AMPH: variants seen among roughly 807,000 people sequenced by gnomAD.
AMPH encodes amphiphysin.
A neutral mutation model predicts 99.1 loss-of-function variants in AMPH; 49 were observed. The ratio of observed to expected loss-of-function variants is 0.49; its 90% CI spans 0.39 to 0.63. The LOEUF (loss-of-function observed/expected upper bound fraction) is 0.63, where lower values mean the gene tolerates loss of function less well. Ranked by LOEUF, AMPH falls within the 20% of genes least tolerant of loss-of-function variation. The probability of loss-of-function intolerance (pLI) is 0.00; values close to 1 mark genes in which losing one functional copy is unlikely to be tolerated. For synonymous variants in AMPH, 314 were observed against 317.3 expected (o/e 0.99, Z 0.11); for missense variants, 759 against 863.4 (o/e 0.88, Z 1.52).
intron 18 of AMPH, among the ~76,000 whole-genome samples, chr7:38,393,216 G>A (rs1032859065): frequency 6.6e-6 from 1 of 152,116 alleles, no homozygotes; most frequent in African/African-American, 2.4e-5. Context: ...TCAGCCCCCA[G>A]CCCAAAAAGG....
At chr7:38,562,047 CCAAGTAGAAAA>C (rs1791572519) in intron 1 of AMPH, among the ~76,000 whole-genome samples, 1 of 148,728 alleles carries the variant, frequency 6.7e-6, no homozygotes, top group African/African-American at 2.5e-5. Context: ...CAGATGAGGG[CCAAGTAGAAAA>C]CAAGGTGGGG....
At chr7:38,437,959 T>C (rs1423762438) in intron 11 of AMPH, among the ~76,000 whole-genome samples, 1 of 152,216 alleles carries the variant, frequency 6.6e-6, no homozygotes, top group Non-Finnish European at 1.5e-5. Flanking sequence ...ACTCCCCATA[T>C]ATACTTTTTA....
intron 9 of AMPH, among the ~76,000 whole-genome samples, chr7:38,464,933 T>C (rs897028923): frequency 6.6e-6 from 1 of 152,176 alleles, no homozygotes; most frequent in African/African-American, 2.4e-5. Flanking sequence ...GGTATTTGAC[T>C]GGCATACTCA....
At chr7:38,580,031 C>T (rs548558928) in intron 1 of AMPH, among the ~76,000 whole-genome samples, 9 of 152,258 alleles carry the variant, frequency 5.9e-5, no homozygotes, top group African/African-American at 1.4e-4. Context: ...AATGTCCAGT[C>T]GACTTCTGAT....
At chr7:38,447,132 GC>G (rs1407091339) in intron 11 of AMPH, among the ~76,000 whole-genome samples, 3 of 152,028 alleles carry the variant, frequency 2.0e-5, no homozygotes, top group African/African-American at 7.2e-5. Flanking sequence ...CGATTCTCCT[GC>G]CTCCGCCTCT....
At chr7:38,426,467 G>T (rs1785785704) in intron 15 of AMPH, among the ~76,000 whole-genome samples, 1 of 152,230 alleles carries the variant, frequency 6.6e-6, no homozygotes, top group African/African-American at 2.4e-5. Flanking sequence ...TGCTGAAGAG[G>T]TAAGGCTCTG....
intron 1 of AMPH, among the ~76,000 whole-genome samples, chr7:38,574,794 A>T (rs139255398): frequency 0.01 from 1,552 of 152,120 alleles, 15 homozygotes; most frequent in Non-Finnish European, 0.016. Context: ...CGTGGCTCAC[A>T]CCTGTAATCC....
At chr7:38,542,979 A>G (rs1255480977) in intron 1 of AMPH, among the ~76,000 whole-genome samples, 4 of 152,076 alleles carry the variant, frequency 2.6e-5, no homozygotes, top group Non-Finnish European at 4.4e-5. Flanking sequence ...CTATAGTCCC[A>G]GCTACTTGGG....
At chr7:38,463,214 C>T in intron 9 of AMPH, 101 bp from the exon 10 acceptor site, 2 of 1,507,740 alleles carry the variant, frequency 1.3e-6, no homozygotes, top group Non-Finnish European at 1.8e-6. Context: ...CTAACAGGTA[C>T]TGTCTGTTGT....
intron 17 of AMPH, among the ~76,000 whole-genome samples, chr7:38,396,497 C>T (rs192858545): frequency 1.8e-4 from 27 of 152,266 alleles, no homozygotes; most frequent in Non-Finnish European, 3.5e-4. Flanking sequence ...ATGTCTTTAT[C>T]AGCAGCATGA....
chr7:38,419,378 G>A (rs564793910), intron 16 of AMPH, among the ~76,000 whole-genome samples: 6 of 87,944 alleles, frequency 6.8e-5, no homozygotes, highest in Non-Finnish European at 9.5e-5. Context: ...AGGATCACAC[G>A]ACTATTCTTT....
intron 1 of AMPH, among the ~76,000 whole-genome samples, chr7:38,543,809 C>G (rs1790897903): frequency 2.0e-5 from 3 of 152,078 alleles, no homozygotes; most frequent in Admixed American, 2.0e-4. Context: ...TCAGGAATCT[C>G]TATTCAAAAA....
intron 11 of AMPH, among the ~76,000 whole-genome samples, chr7:38,458,757 G>C (rs2129006911): frequency 1.3e-5 from 2 of 152,252 alleles, no homozygotes; most frequent in South Asian, 2.1e-4. Context: ...TAGCATCATA[G>C]TGAATGGGAG....
At chr7:38,511,677 G>A (rs1040200804) in intron 2 of AMPH, among the ~76,000 whole-genome samples, 1 of 152,202 alleles carries the variant, frequency 6.6e-6, no homozygotes, top group Admixed American at 6.5e-5. Context: ...GGATTGCCAT[G>A]AGAATCAAGT....
intron 1 of AMPH, among the ~76,000 whole-genome samples, chr7:38,591,787 T>G (rs79678389): frequency 6.6e-6 from 1 of 152,214 alleles, no homozygotes; most frequent in Admixed American, 6.5e-5. Context: ...GCCCTGACAC[T>G]TGTCCCAAGG....
At chr7:38,616,454 G>A (rs932232237) in intron 1 of AMPH, among the ~76,000 whole-genome samples, 2 of 152,090 alleles carry the variant, frequency 1.3e-5, no homozygotes, top group African/African-American at 4.8e-5. Flanking sequence ...GCTAAAGAGG[G>A]CCTACCCTAA....
chr7:38,500,135 A>C (rs2196673), intron 3 of AMPH, among the ~76,000 whole-genome samples: 116,366 of 152,166 alleles, frequency 0.76, 45,378 homozygotes, highest in African/African-American at 0.92. Flanking sequence ...CCCAGGAACA[A>C]TATTCATTCT....
chr7:38,550,296 C>T (rs1421446535), intron 1 of AMPH, among the ~76,000 whole-genome samples: 1 of 152,208 alleles, frequency 6.6e-6, no homozygotes, highest in African/African-American at 2.4e-5. Flanking sequence ...GTACAATCCA[C>T]AATTTAACAA....
At chr7:38,614,212 C>A (rs1300398647) in intron 1 of AMPH, among the ~76,000 whole-genome samples, 1 of 152,130 alleles carries the variant, frequency 6.6e-6, no homozygotes, top group Non-Finnish European at 1.5e-5. Context: ...TATATCCCAG[C>A]AAAAGTTGGA....
Sources: gnomAD v4.1 joint callset for allele counts (sites outside exome capture counted in the v4.1 genomes callset) on GRCh38, gnomAD v4.1.1 for gene constraint, MANE v1.5 for transcripts, NCBI Gene and HGNC (gene_info 2026-07-23, HGNC 2026-07-21) for gene names.